The following VPS13B variants were observed in gnomAD, a reference collection of about 807,000 sequenced individuals.
VPS13B encodes the protein intermembrane lipid transfer protein VPS13B.
A neutral mutation model predicts 426.4 loss-of-function variants in VPS13B; 285 were observed. That is an observed-to-expected ratio of 0.67 (90% CI 0.61 to 0.74). The LOEUF (loss-of-function observed/expected upper bound fraction) is 0.74. Among genes scored for constraint, VPS13B ranks in the 30% least tolerant of loss-of-function variants. The pLI, the probability that VPS13B is intolerant of heterozygous loss-of-function variation, is 0.00. For missense variants in VPS13B, 4,537 were observed against 4,782.6 expected (o/e 0.95, Z 1.51); for synonymous variants, 1,676 against 1,676.4 (o/e 1.00, Z 0.01).
At chr8:99,170,254 T>C in intron 16 of VPS13B, 91 bp downstream of exon 16, 1 of 1,476,184 alleles carries the variant, frequency 6.8e-7, no homozygotes, top group Non-Finnish European at 9.3e-7. Flanking sequence ...ATGCCCATGC[T>C]AGTTTTATAC....
At chr8:99,377,942 C>T (rs1053351340) in intron 19 of VPS13B, among the ~76,000 whole-genome samples, 1 of 152,094 alleles carries the variant, frequency 6.6e-6, no homozygotes, top group African/African-American at 2.4e-5. Flanking sequence ...AATTCCGTGT[C>T]CCGCTGTGCA....
At chr8:99,511,599 A>G (rs1821793796) in intron 29 of VPS13B, 87 bp downstream of exon 29, 2 of 1,341,492 alleles carry the variant, frequency 1.5e-6, no homozygotes, top group East Asian at 4.9e-5. Context: ...TTCTTTTAAA[A>G]AATATGAGCA....
chr8:99,137,615 G>C (rs1440371950), intron 12 of VPS13B, among the ~76,000 whole-genome samples: 4 of 151,928 alleles, frequency 2.6e-5, no homozygotes, highest in African/African-American at 4.8e-5. Flanking sequence ...TTTTGATGAA[G>C]AAAGAAGGAA....
chr8:99,611,903 G>T (rs1050068090), intron 33 of VPS13B, among the ~76,000 whole-genome samples: 2 of 152,026 alleles, frequency 1.3e-5, no homozygotes, highest in Admixed American at 6.6e-5. Flanking sequence ...GACTAAAAAT[G>T]ATAAAGATGA....
chr8:99,738,078 G>A (rs1268001602), intron 39 of VPS13B, among the ~76,000 whole-genome samples: 1 of 152,144 alleles, frequency 6.6e-6, no homozygotes, highest in Non-Finnish European at 1.5e-5. Context: ...ACTACAACTA[G>A]CTCTCTTAAG....
intron 17 of VPS13B, among the ~76,000 whole-genome samples, chr8:99,251,986 G>A (rs1240044150): frequency 6.6e-6 from 1 of 151,124 alleles, no homozygotes; most frequent in Admixed American, 6.6e-5. Flanking sequence ...AGTTTTTTCA[G>A]TTTTATTGAT....
chr8:99,015,316 A>T (rs1377042061), intron 2 of VPS13B, among the ~76,000 whole-genome samples: 1 of 147,366 alleles, frequency 6.8e-6, no homozygotes, highest in Non-Finnish European at 1.5e-5. Flanking sequence ...TCCCGGGTTC[A>T]TGCCATTCTC....
intron 17 of VPS13B, among the ~76,000 whole-genome samples, chr8:99,271,571 G>A (rs140818049): frequency 5.9e-5 from 9 of 152,244 alleles, no homozygotes; most frequent in Non-Finnish European, 8.8e-5. Context: ...GTATTAGTCC[G>A]TTCGCATACT....
At chr8:99,471,660 G>A (rs899971329) in intron 24 of VPS13B, among the ~76,000 whole-genome samples, 1 of 152,138 alleles carries the variant, frequency 6.6e-6, no homozygotes, top group Admixed American at 6.6e-5. Context: ...CTGGAGCTAA[G>A]CCAGCTATAT....
intron 33 of VPS13B, among the ~76,000 whole-genome samples, chr8:99,591,110 T>C (rs1402777483): frequency 6.6e-6 from 1 of 151,968 alleles, no homozygotes; most frequent in African/African-American, 2.4e-5. Context: ...TTGTCTCTTT[T>C]GATCTTTGTT....
intron 33 of VPS13B, among the ~76,000 whole-genome samples, chr8:99,611,897 A>G (rs1827857376): frequency 6.6e-6 from 1 of 152,172 alleles, no homozygotes; most frequent in African/African-American, 2.4e-5. Context: ...TCTGAGGACT[A>G]AAAATGATAA....
At chr8:99,422,611 A>G (rs1485819066) in intron 21 of VPS13B, among the ~76,000 whole-genome samples, 1 of 152,200 alleles carries the variant, frequency 6.6e-6, no homozygotes, top group Admixed American at 6.5e-5. Context: ...ATACAGTAAT[A>G]TTAGGTAACC....
chr8:99,607,414 G>A (rs1198838328), intron 33 of VPS13B, among the ~76,000 whole-genome samples: 3 of 152,116 alleles, frequency 2.0e-5, no homozygotes, highest in Admixed American at 6.6e-5. Flanking sequence ...TCTCCCACAC[G>A]TAAGAAATGT....
chr8:99,725,403 T>C (rs1180016383), intron 39 of VPS13B, among the ~76,000 whole-genome samples: 1 of 152,180 alleles, frequency 6.6e-6, no homozygotes, highest in Non-Finnish European at 1.5e-5. Flanking sequence ...CATTTTCATA[T>C]GAGCGCAAAC....
In VPS13B at chr8:99,415,522, G is replaced by C. The variant is rs190796340; in HGVS notation, c.3083-16015G>C. ...ATTTTGTAATTTACAGCCTTTTTAG[G>C]CTGGTTTTTCCATAGTCTTCATGGA... On this transcript the variant is annotated intron_variant, in intron 21 of 61. Transcript: ENST00000357162. Among the ~76,000 whole-genome samples the C allele has an allele frequency of 1.2e-4, 18 of 152,162 alleles. No individual in the cohort carries two copies. In the South Asian group the frequency reaches 1.7e-3, roughly 14 times the overall value.
rs371238255 is a variant in VPS13B at position 99,188,486 on chromosome 8, A to C, written c.2334-4390A>C. Reference sequence around the variant, plus strand: ...TTTGTTTATTCATCAGTTGGGGTACATTTGTGTTGTTCTCATTTTTTGGCT... The same window carrying C: ...TTTGTTTATTCATCAGTTGGGGTACCTTTGTGTTGTTCTCATTTTTTGGCT... On this transcript the variant is annotated intron_variant, in intron 16 of 61. Coordinates refer to ENST00000357162, the MANE Select transcript of VPS13B (RefSeq NM_152564.5). Among the ~76,000 whole-genome samples the C allele has an allele frequency of 5.9e-5, 9 of 152,074 alleles. 1 individual carries two copies. Among genetic ancestry groups the C allele is most frequent in the Admixed American group, 3.3e-4 (5 of 15,264 alleles).
chr8:99,357,267 C>G (rs1019281037), intron 19 of VPS13B, among the ~76,000 whole-genome samples: 4 of 152,182 alleles, frequency 2.6e-5, no homozygotes, highest in African/African-American at 2.4e-5. Flanking sequence ...TCCCAGCCTG[C>G]TGTATCTGAA....
intron 33 of VPS13B, among the ~76,000 whole-genome samples, chr8:99,615,993 C>T (rs1828068876): frequency 1.3e-5 from 2 of 151,936 alleles, no homozygotes; most frequent in African/African-American, 4.8e-5. Context: ...TGATGATAAT[C>T]ATCAGGAGTG....
chr8:99,596,298 G>A (rs1485163682), intron 33 of VPS13B, among the ~76,000 whole-genome samples: 2 of 151,890 alleles, frequency 1.3e-5, no homozygotes, highest in African/African-American at 2.4e-5. Flanking sequence ...AGATACATAC[G>A]CTTAGGAAAC....
Sources: allele counts gnomAD v4.1 joint callset (sites outside exome capture counted in the v4.1 genomes callset), GRCh38; gene constraint gnomAD v4.1.1; transcripts MANE v1.5; gene names NCBI Gene and HGNC (gene_info 2026-07-23, HGNC 2026-07-21).